The following TMTC2 variants were observed in gnomAD, a reference collection of about 807,000 sequenced individuals.
TMTC2 encodes protein O-mannosyl-transferase TMTC2.
Under a neutral mutation model 82.4 loss-of-function variants are expected in TMTC2, and 43 were observed. The ratio of observed to expected loss-of-function variants is 0.52; its 90% confidence interval spans 0.41 to 0.67. The LOEUF is 0.67. Among genes scored for constraint, TMTC2 ranks in the 30% least tolerant of loss-of-function variants. TMTC2 has a pLI of 0.00. For synonymous variants in TMTC2, 408 were observed against 381.9 expected (o/e 1.07, Z -0.80); for missense variants, 919 against 1,012.4 (o/e 0.91, Z 1.25).
chr12:82,897,897 T>C (rs1873762830), intron 3 of TMTC2, among the ~76,000 whole-genome samples: 1 of 152,062 alleles, frequency 6.6e-6, no homozygotes, highest in African/African-American at 2.4e-5. Flanking sequence ...TCCAACACAA[T>C]TCTATATCAG....
Position 82,903,331 on chromosome 12 carries a change from T to C in TMTC2, c.1483+6685T>C, listed in dbSNP as rs554447311. ...TGACATACTATATTTTCTATAATTA[T>C]GTGTTCATTGTATGAACGTGTTGTC... On this transcript the variant is annotated intron_variant, in intron 3 of 11. Transcript: ENST00000321196. Among the ~76,000 whole-genome samples the C allele has an allele frequency of 2.6e-5, 4 of 152,376 alleles. No individual in the cohort carries two copies. The East Asian group carries it at 7.7e-4, about 29-fold the overall frequency.
intron 1 of TMTC2, among the ~76,000 whole-genome samples, chr12:82,816,036 T>TA (rs1459875706): frequency 7.2e-5 from 11 of 152,106 alleles, no homozygotes. Context: ...TAGTACTTGA[T>TA]ATAGTAGTGG....
chr12:83,045,745 A>ACCAGGGCT (rs1335843677), intron 9 of TMTC2, among the ~76,000 whole-genome samples: 3 of 150,606 alleles, frequency 2.0e-5, no homozygotes, highest in East Asian at 2.0e-4. Context: ...ACACACACAC[A>ACCAGGGCT]CACACACCAG....
chr12:82,729,540 C>T (rs944370311), intron 1 of TMTC2, among the ~76,000 whole-genome samples: 1 of 152,152 alleles, frequency 6.6e-6, no homozygotes, highest in African/African-American at 2.4e-5. Context: ...TGTGTGGACA[C>T]TGTGTATCTA....
chr12:82,757,222 G>T (rs1037670576), intron 1 of TMTC2, among the ~76,000 whole-genome samples: 13 of 152,184 alleles, frequency 8.5e-5, no homozygotes, highest in African/African-American at 3.1e-4. Flanking sequence ...CTCCTCCAGA[G>T]ATCTTTGAGA....
At chr12:83,069,146 G>A (rs1182891731) in intron 11 of TMTC2, among the ~76,000 whole-genome samples, 1 of 152,100 alleles carries the variant, frequency 6.6e-6, no homozygotes, top group Non-Finnish European at 1.5e-5. Flanking sequence ...TTTTGCTATT[G>A]TGAATTGTGC....
At chr12:83,044,141 A>G (rs980619063) in intron 9 of TMTC2, among the ~76,000 whole-genome samples, 1 of 152,206 alleles carries the variant, frequency 6.6e-6, no homozygotes, top group Non-Finnish European at 1.5e-5. Flanking sequence ...AAATATGAAT[A>G]GGAAAATTTC....
chr12:82,807,086 T>C (rs150316895), intron 1 of TMTC2, among the ~76,000 whole-genome samples: 1 of 152,254 alleles, frequency 6.6e-6, no homozygotes, highest in East Asian at 1.9e-4. Context: ...TCTAACTAAT[T>C]AATGGAAATA....
At chr12:83,006,662 A>G (rs1880218875) in intron 8 of TMTC2, among the ~76,000 whole-genome samples, 1 of 152,230 alleles carries the variant, frequency 6.6e-6, no homozygotes, top group Non-Finnish European at 1.5e-5. Flanking sequence ...ACGTATGTTT[A>G]TTGTGGGACT....
intron 1 of TMTC2, among the ~76,000 whole-genome samples, chr12:82,847,184 T>G (rs538292193): frequency 2.4e-4 from 36 of 152,304 alleles, no homozygotes; most frequent in African/African-American, 6.0e-4. Flanking sequence ...AAAGAGGTAC[T>G]CTAATGAAGG....
At chr12:82,867,786 A>G (rs1307392388) in intron 2 of TMTC2, among the ~76,000 whole-genome samples, 1 of 152,216 alleles carries the variant, frequency 6.6e-6, no homozygotes, top group Admixed American at 6.5e-5. Flanking sequence ...GCCCATTTAT[A>G]TGATCCACTA....
At chr12:83,120,428 T>C (rs1884912439) in intron 11 of TMTC2, among the ~76,000 whole-genome samples, 1 of 152,218 alleles carries the variant, frequency 6.6e-6, no homozygotes, top group East Asian at 1.9e-4. Context: ...TTTTGCTAGA[T>C]ACAAAATTCT....
intron 1 of TMTC2, among the ~76,000 whole-genome samples, chr12:82,814,620 A>T (rs1238779984): frequency 6.6e-6 from 1 of 152,202 alleles, no homozygotes; most frequent in Non-Finnish European, 1.5e-5. Context: ...AAGAACCAGA[A>T]TTACCAATCA....
At chr12:82,711,989 A>G (rs893092322) in intron 1 of TMTC2, among the ~76,000 whole-genome samples, 1 of 151,968 alleles carries the variant, frequency 6.6e-6, no homozygotes, top group Non-Finnish European at 1.5e-5. Flanking sequence ...AGCACGCTCT[A>G]TCTTTATCTT....
intron 10 of TMTC2, among the ~76,000 whole-genome samples, chr12:83,052,403 A>G (rs924518204): frequency 3.9e-5 from 6 of 152,260 alleles, no homozygotes; most frequent in African/African-American, 1.2e-4. Context: ...TCAGGATTCA[A>G]TTGACTATTG....
intron 1 of TMTC2, among the ~76,000 whole-genome samples, chr12:82,719,387 C>T (rs1874083901): frequency 6.6e-6 from 1 of 152,026 alleles, no homozygotes; most frequent in Non-Finnish European, 1.5e-5. Flanking sequence ...CCACCGTGCC[C>T]AGCCTGGATG....
At chr12:83,040,510 T>C (rs1236473333) in intron 9 of TMTC2, among the ~76,000 whole-genome samples, 1 of 152,126 alleles carries the variant, frequency 6.6e-6, no homozygotes, top group Non-Finnish European at 1.5e-5. Flanking sequence ...ATCTCACTTG[T>C]TCCTTCTAAT....
chr12:82,743,312 G>C (rs1169812949), intron 1 of TMTC2, among the ~76,000 whole-genome samples: 1 of 151,842 alleles, frequency 6.6e-6, no homozygotes, highest in Non-Finnish European at 1.5e-5. Flanking sequence ...ATGGTGGTGC[G>C]TTCCTGTAAT....
rs754262984 is a variant in TMTC2 at position 82,896,533 on chromosome 12, A to G, written c.1370A>G (p.Tyr457Cys). 1.1e-5 allele frequency: 18 copies of G among 1,614,048 alleles called. No homozygotes were observed. The highest frequency in any genetic ancestry group is 1.5e-5 in the Non-Finnish European group (18 of 1,180,026). Residue 457 changes from tyrosine to cysteine, a missense_variant, in exon 3 of 12, where the codon TAT (tyrosine) becomes TGT (cysteine). Physicochemically the swap from Tyr to Cys is radical, Grantham distance 194 (BLOSUM62 -2). Coordinates refer to ENST00000321196, the MANE Select transcript of TMTC2 (RefSeq NM_152588.3). Reference protein sequence around the residue: ...QKRFLKSLIFYATATLIVFYG... With the variant: ...QKRFLKSLIFCATATLIVFYG... ...CGGTTCCTCAAGAGCTTGATTTTTT[A>G]TGCTACAGCTACACTAATTGTTTTT... is the stretch of plus-strand genomic sequence containing the variant.
Sources: gnomAD v4.1 joint callset for allele counts (sites outside exome capture counted in the v4.1 genomes callset) on GRCh38, gnomAD v4.1.1 for gene constraint, MANE v1.5 for transcripts, NCBI Gene and HGNC (gene_info 2026-07-23, HGNC 2026-07-21) for gene names.